The following ARFGEF3 variants were observed in gnomAD, a reference collection of about 807,000 sequenced individuals.
ARFGEF3 encodes ARFGEF family member 3.
A neutral mutation model predicts 221.7 loss-of-function variants in ARFGEF3; 96 were observed. The observed-to-expected ratio is 0.43, with a 90% CI of 0.37 to 0.51. The LOEUF (loss-of-function observed/expected upper bound fraction) is 0.51, where lower values mean the gene tolerates loss of function less well. Among genes scored for constraint, ARFGEF3 ranks in the 20% least tolerant of loss-of-function variants. The pLI, the probability that ARFGEF3 is intolerant of heterozygous loss-of-function variation, is 0.00. For missense variants in ARFGEF3, 2,410 were observed against 2,789.9 expected (o/e 0.86, Z 3.07); for synonymous variants, 1,145 against 1,126.8 (o/e 1.02, Z -0.32).
chr6:138,291,952 G>A lies in ARFGEF3; in HGVS notation c.3267G>A (p.Arg1089=). The change falls in exon 19 of 34, where the codon CGG becomes CGA. Residue 1089 remains arginine (R), a synonymous_variant. Coordinates refer to ENST00000251691, the MANE Select transcript of ARFGEF3 (RefSeq NM_020340.5). This position sits in a 1 kb window ranked among gnomAD's most constrained non-coding sequence, Gnocchi z 4.5. The part of the protein sequence containing the change: ...VQPLSIQDLV[R]EGSRGRASDF... Reference sequence around the variant, plus strand: ...CCCTGTCCATCCAGGACCTCGTCCGGGAAGGCAGCCGGGGTCGGGCCTCCG... The same window carrying A: ...CCCTGTCCATCCAGGACCTCGTCCGAGAAGGCAGCCGGGGTCGGGCCTCCG... 6.5e-7 allele frequency: 1 copy of A among 1,530,194 alleles called. No individual in the cohort carries two copies. The allele number at this position is 1,530,194 out of a possible 1,614,324, so 94.8% of individuals were successfully genotyped here. A position where few individuals can be genotyped will look rare whatever the true frequency, so the allele number is the denominator to read the frequency against.
intron 4 of ARFGEF3, among the ~76,000 whole-genome samples, chr6:138,222,437 A>G (rs2114520443): frequency 6.6e-6 from 1 of 152,190 alleles, no homozygotes; most frequent in East Asian, 1.9e-4. Flanking sequence ...ATGAAACAGT[A>G]GTTCTCAGGT....
In ARFGEF3 at chr6:138,342,373, GA is replaced by G. The variant is rs1780444480; in HGVS notation, c.*5892del. 6.6e-6 allele frequency: 1 copy of G among 152,172 alleles called. No individual in the cohort carries two copies. The highest frequency in any genetic ancestry group is 1.5e-5 in the Non-Finnish European group (1 of 68,034). 9.4% of individuals were successfully genotyped at this position (152,172 alleles called of 1,614,324 possible). A position where few individuals can be genotyped will look rare whatever the true frequency, so the allele number is the denominator to read the frequency against. ...TCAGCCTGACTTATCAAACGCTAGA[GA>G]AAAACTGAATCTACCCTTGGGCAGA... On this transcript the variant is annotated 3_prime_UTR_variant, in exon 34 of 34. Transcript: ENST00000251691.
At chr6:138,248,740 C>T (rs1393138649) in intron 8 of ARFGEF3, among the ~76,000 whole-genome samples, 1 of 152,064 alleles carries the variant, frequency 6.6e-6, no homozygotes, top group African/African-American at 2.4e-5. Flanking sequence ...GCAGGAGAAT[C>T]GCTTGAACCA....
At chr6:138,223,928 G>C (rs1778030210) in intron 4 of ARFGEF3, among the ~76,000 whole-genome samples, 1 of 152,204 alleles carries the variant, frequency 6.6e-6, no homozygotes. Context: ...TGCAAGATAA[G>C]AGATTATCTT....
chr6:138,299,370 C>A (rs1037534894), intron 22 of ARFGEF3, among the ~76,000 whole-genome samples: 3 of 151,528 alleles, frequency 2.0e-5, no homozygotes, highest in Admixed American at 1.3e-4. Context: ...GGGCTTTGAA[C>A]CTAGGCAATC....
intron 2 of ARFGEF3, among the ~76,000 whole-genome samples, chr6:138,178,851 T>G (rs1777007446): frequency 6.6e-6 from 1 of 152,050 alleles, no homozygotes; most frequent in Non-Finnish European, 1.5e-5. Context: ...GTCTAAAGAG[T>G]ATACCCAGAA....
intron 22 of ARFGEF3, among the ~76,000 whole-genome samples, chr6:138,303,860 CAAAAAAAA>C (rs140349507): frequency 0.12 from 2,405 of 20,436 alleles, 31 homozygotes; most frequent in South Asian, 0.2. Flanking sequence ...GACTCCGTCT[CAAAAAAAA>C]AAAAAAAAAA....
intron 29 of ARFGEF3, 65 bp from the exon 30 acceptor site, chr6:138,323,606 C>T: frequency 2.0e-6 from 3 of 1,486,424 alleles, no homozygotes; most frequent in Non-Finnish European, 2.8e-6. Flanking sequence ...AGCAAAACTC[C>T]ATCTGAAAAA....
chr6:138,192,976 A>G (rs1777338076), intron 2 of ARFGEF3, among the ~76,000 whole-genome samples: 1 of 152,110 alleles, frequency 6.6e-6, no homozygotes, highest in Admixed American at 6.5e-5. Flanking sequence ...TCCATTTGGT[A>G]GAAAATGTCT....
At chr6:138,253,030 A>G (rs1485722697) in intron 8 of ARFGEF3, among the ~76,000 whole-genome samples, 4 of 152,192 alleles carry the variant, frequency 2.6e-5, no homozygotes, top group Admixed American at 1.3e-4. Flanking sequence ...TCTCCACTGA[A>G]AAATCATGTT....
rs200030187 is a variant in ARFGEF3, at chr6:138,287,068, C to G, written c.2786-6C>G. On this transcript the variant is annotated splice_region_variant and splice_polypyrimidine_tract_variant and intron_variant, in intron 16 of 33. Transcript: ENST00000251691. The stretch of plus-strand genomic sequence containing the variant: ...GTCAAGAAGTCATTGTGTGTCTCCT[C>G]TGAAGGCGTTGCTGCTAACTGCGCC... The G allele has an allele frequency of 5.9e-4, 918 of 1,566,238 alleles. No individual in the cohort carries two copies. The highest frequency in any genetic ancestry group is 7.6e-4 in the Non-Finnish European group (877 of 1,154,974).
chr6:138,325,558 A>G (rs1780111827), intron 31 of ARFGEF3, among the ~76,000 whole-genome samples: 1 of 152,250 alleles, frequency 6.6e-6, no homozygotes, highest in Non-Finnish European at 1.5e-5. Flanking sequence ...AGCCACTTCT[A>G]GCAGCATGGC....
At chr6:138,325,384 G>A (rs1780109071) in intron 31 of ARFGEF3, among the ~76,000 whole-genome samples, 1 of 152,208 alleles carries the variant, frequency 6.6e-6, no homozygotes, top group South Asian at 2.1e-4. Context: ...AGTGGGACAA[G>A]AACCTTCTAC....
chr6:138,315,085 CTGA>C (rs1484470470), intron 26 of ARFGEF3, among the ~76,000 whole-genome samples: 1 of 152,128 alleles, frequency 6.6e-6, no homozygotes, highest in African/African-American at 2.4e-5. Context: ...CTTAAATTGG[CTGA>C]TAATTGTCTT....
At chr6:138,183,198 G>A (rs1777115256) in intron 2 of ARFGEF3, among the ~76,000 whole-genome samples, 2 of 152,118 alleles carry the variant, frequency 1.3e-5, no homozygotes, top group Non-Finnish European at 2.9e-5. Flanking sequence ...AGGACACCCA[G>A]GACTGAGCAG....
intron 9 of ARFGEF3, 82 bp downstream of exon 9, chr6:138,254,066 A>G (rs1778629039): frequency 1.1e-6 from 1 of 880,976 alleles, no homozygotes; most frequent in South Asian, 1.8e-5. Context: ...CCTCTCCATG[A>G]AGTCCATGAC....
chr6:138,307,148 A>G, intron 22 of ARFGEF3, 105 bp from the exon 23 acceptor site: 2 of 1,209,496 alleles, frequency 1.7e-6, no homozygotes, highest in Non-Finnish European at 2.3e-6. Context: ...CCTTTTCACT[A>G]AAATTAACTC....
chr6:138,327,095 C>T (rs1240740289), intron 31 of ARFGEF3, among the ~76,000 whole-genome samples: 1 of 152,042 alleles, frequency 6.6e-6, no homozygotes, highest in Non-Finnish European at 1.5e-5. Context: ...ACACTGGGCA[C>T]CTGTGGGGAA....
At chr6:138,322,066 T>C (rs887544340) in intron 29 of ARFGEF3, among the ~76,000 whole-genome samples, 10 of 152,132 alleles carry the variant, frequency 6.6e-5, no homozygotes, top group African/African-American at 9.7e-5. Flanking sequence ...TGTTTCTGGA[T>C]GAGAAGAACA....
Sources: gnomAD v4.1 joint callset for allele counts (sites outside exome capture counted in the v4.1 genomes callset) on GRCh38, gnomAD v4.1.1 for gene constraint, Gnocchi (gnomAD v3.1) non-coding constraint, MANE v1.5 for transcripts, NCBI Gene and HGNC (gene_info 2026-07-23, HGNC 2026-07-21) for gene names.